Variants in ROCK2 observed in about 807,000 individuals in gnomAD.
ROCK2 encodes the protein rho-associated protein kinase 2.
ROCK2 carries 61 observed loss-of-function variants against 195.1 expected under a neutral mutation model. That is an observed-to-expected ratio of 0.31 (90% CI 0.25 to 0.39). ROCK2 has a LOEUF of 0.39. Ranked by LOEUF, ROCK2 falls within the 10% of genes least tolerant of loss-of-function variation. The pLI is 1.00. For synonymous variants in ROCK2, 504 were observed against 545.5 expected (o/e 0.92, Z 1.06); for missense variants, 1,109 against 1,637.4 (o/e 0.68, Z 5.57).
At chr2:11,281,600 G>A (rs889524270) in intron 3 of ROCK2, among the ~76,000 whole-genome samples, 1 of 151,944 alleles carries the variant, frequency 6.6e-6, no homozygotes, top group African/African-American at 2.4e-5. Context: ...TTCTGTATAT[G>A]AGCAATACAT....
intron 1 of ROCK2, among the ~76,000 whole-genome samples, chr2:11,302,147 T>C (rs1482254990): frequency 6.6e-6 from 1 of 152,210 alleles, no homozygotes; most frequent in Non-Finnish European, 1.5e-5. Flanking sequence ...TTCTCCATTA[T>C]GGTTTCAGAT....
intron 1 of ROCK2, among the ~76,000 whole-genome samples, chr2:11,314,238 T>C (rs925807828): frequency 2.0e-5 from 3 of 151,998 alleles, no homozygotes; most frequent in African/African-American, 4.8e-5. Context: ...CATAGTCTAA[T>C]GTAGCATCTA....
At chr2:11,234,307 AT>A (rs1665127540) in intron 5 of ROCK2, 2 of 152,202 alleles carry the variant, frequency 1.3e-5, no homozygotes, top group Admixed American at 1.3e-4. Flanking sequence ...CCCTAAAAAT[AT>A]GTGGTATGAT....
chr2:11,343,861 C>T, intron 1 of ROCK2, 135 bp downstream of exon 1: 1 of 1,152,544 alleles, frequency 8.7e-7, no homozygotes, highest in Non-Finnish European at 1.2e-6. Flanking sequence ...GGTCTCCGGC[C>T]CCGGCTGCCG....
intron 1 of ROCK2, among the ~76,000 whole-genome samples, chr2:11,304,701 G>C (rs1182984139): frequency 6.6e-6 from 1 of 152,120 alleles, no homozygotes; most frequent in African/African-American, 2.4e-5. Flanking sequence ...CATCCACCTA[G>C]TTATTAACTC....
chr2:11,293,694 A>G (rs890799717), intron 1 of ROCK2, among the ~76,000 whole-genome samples: 1 of 152,148 alleles, frequency 6.6e-6, no homozygotes, highest in Non-Finnish European at 1.5e-5. Flanking sequence ...CTTTGCATTA[A>G]TTTTTAAAAT....
At position 11,296,174 on chromosome 2, in the gene ROCK2, G is replaced by A. The variant is rs909799495; in HGVS notation, c.142-8438C>T. ...TCTAGTAACTAAGAATGCTGGAGAT[G>A]ACAATGGCCAACTAAATTACAAAGC... On this transcript the variant is annotated intron_variant, in intron 1 of 32. Transcript: ENST00000315872. Among the ~76,000 whole-genome samples, 3 of 152,116 alleles carry A rather than the reference G, an allele frequency of 2.0e-5. No homozygotes were observed. The East Asian group carries it at 5.8e-4, about 29-fold the overall frequency.
At chr2:11,330,815 G>GGA (rs1668709696) in intron 1 of ROCK2, among the ~76,000 whole-genome samples, 1 of 21,040 alleles carries the variant, frequency 4.8e-5, no homozygotes, top group Non-Finnish European at 1.1e-4. Context: ...AGAGGAGGAA[G>GGA]GGGAGGAGGA....
rs70953381 is a variant in ROCK2 at position 11,282,607 on chromosome 2, CAAAAA to C, written c.324+3927_324+3931del. Among the ~76,000 whole-genome samples, 14 of 123,374 alleles carry C rather than the reference CAAAAA, an allele frequency of 1.1e-4. No individual in the cohort carries two copies. The East Asian group carries it at 3.2e-3, about 29-fold the overall frequency. The allele number at this position is 123,374 out of a possible 152,430, so 80.9% of individuals were successfully genotyped here. On this transcript the variant is annotated intron_variant, in intron 3 of 32. Coordinates refer to ENST00000315872, the MANE Select transcript of ROCK2 (RefSeq NM_004850.5). Reference sequence around the variant, plus strand: ...GCTGGAATAACTGAATATCTACATGCAAAAAAAAAAAAAAGAATCAAGACCAGACC... The same window carrying C: ...GCTGGAATAACTGAATATCTACATGCAAAAAAAAAGAATCAAGACCAGACC...
intron 3 of ROCK2, among the ~76,000 whole-genome samples, chr2:11,264,670 T>A (rs1005702012): frequency 6.6e-6 from 1 of 152,124 alleles, no homozygotes; most frequent in East Asian, 1.9e-4. Flanking sequence ...ATATAAACTG[T>A]ATTTAAAGTC....
At chr2:11,236,083 T>G in intron 4 of ROCK2, 121 bp from the exon 5 acceptor site, 4 of 914,346 alleles carry the variant, frequency 4.4e-6, no homozygotes, top group Non-Finnish European at 6.1e-6. Flanking sequence ...TAACCAAAAC[T>G]AAAATTTATG....
chr2:11,311,664 A>G (rs1428814162), intron 1 of ROCK2, among the ~76,000 whole-genome samples: 1 of 152,206 alleles, frequency 6.6e-6, no homozygotes, highest in Non-Finnish European at 1.5e-5. Context: ...ACCTAATTCT[A>G]TGCAATTTTT....
At chr2:11,276,007 T>A in intron 3 of ROCK2, among the ~76,000 whole-genome samples, 1 of 152,084 alleles carries the variant, frequency 6.6e-6, no homozygotes, top group East Asian at 1.9e-4. Context: ...GCCTCAACAC[T>A]CTTTCATGAT....
intron 3 of ROCK2, among the ~76,000 whole-genome samples, chr2:11,264,684 G>A (rs901566923): frequency 3.3e-5 from 5 of 152,118 alleles, no homozygotes; most frequent in Non-Finnish European, 7.4e-5. Flanking sequence ...TAAAGTCACA[G>A]GAATGCATGA....
At chr2:11,301,863 C>CTT (rs1212281173) in intron 1 of ROCK2, among the ~76,000 whole-genome samples, 1 of 151,986 alleles carries the variant, frequency 6.6e-6, no homozygotes, top group African/African-American at 2.4e-5. Flanking sequence ...ATTCCTTTCC[C>CTT]TTGCCCCTTA....
In ROCK2 at chr2:11,197,440, G is replaced by A. The variant is rs1663684129; in HGVS notation, c.3279+86C>T. On this transcript the variant is annotated intron_variant, in intron 26 of 32. Coordinates refer to ENST00000315872, the MANE Select transcript of ROCK2 (RefSeq NM_004850.5). The surrounding 1 kb of genome is among the most constrained non-coding windows in gnomAD (Gnocchi z 4.9). ...CAATAATAATTATTAAATAGAAATG[G>A]TCTATAACCAGTAAAACACAGACAT... 1.3e-6 allele frequency: 2 copies of A among 1,526,246 alleles called. No homozygotes were observed. The highest frequency in any genetic ancestry group is 1.8e-5 in the Admixed American group (1 of 54,288). 94.5% of individuals were successfully genotyped at this position (1,526,246 alleles called of 1,614,324 possible).
chr2:11,308,623 AACTCCTGTGCAAGAT>A, intron 1 of ROCK2: 1 of 1,458,266 alleles, frequency 6.9e-7, no homozygotes, highest in African/African-American at 1.4e-5. Flanking sequence ...GCATAGACTT[AACTCCTGTGCAAGAT>A]ACTCCTGTGG....
intron 1 of ROCK2, among the ~76,000 whole-genome samples, chr2:11,312,199 T>C (rs772295589): frequency 1.3e-5 from 2 of 152,216 alleles, no homozygotes; most frequent in African/African-American, 2.4e-5. Context: ...AATTCATATT[T>C]TAAAATTTTC....
chr2:11,203,733 T>C (rs75206920), intron 20 of ROCK2, among the ~76,000 whole-genome samples: 1,582 of 152,290 alleles, frequency 0.01, 32 homozygotes, highest in African/African-American at 0.037. Context: ...GTCATTTCTG[T>C]ATTTTATTGT....
Sources: gnomAD v4.1 joint callset for allele counts (sites outside exome capture counted in the v4.1 genomes callset) on GRCh38, gnomAD v4.1.1 for gene constraint, Gnocchi (gnomAD v3.1) non-coding constraint, MANE v1.5 for transcripts, NCBI Gene and HGNC (gene_info 2026-07-23, HGNC 2026-07-21) for gene names.